The following KAZN variants were observed in gnomAD, a reference collection of about 807,000 sequenced individuals.
KAZN encodes the protein kazrin.
Under a neutral mutation model 87.4 loss-of-function variants are expected in KAZN, and 40 were observed. That is an observed-to-expected ratio of 0.46 (90% CI 0.36 to 0.60). KAZN has a LOEUF of 0.60. KAZN is among the 20% of genes least tolerant of loss of function. KAZN has a pLI of 0.00. For synonymous variants in KAZN, 466 were observed against 458.3 expected, an observed-to-expected ratio of 1.02 and a Z score of -0.22; for missense variants, 898 against 1,073.9, an observed-to-expected ratio of 0.84 and a Z score of 2.29.
chr1:14,634,541 C>A (rs1446875886), intron 1 of KAZN, among the ~76,000 whole-genome samples: 3 of 152,196 alleles, frequency 2.0e-5, no homozygotes, highest in Non-Finnish European at 4.4e-5. Flanking sequence ...AATACAATAG[C>A]ATGGAGTAGC....
chr1:14,450,646 T>C (rs1421243587), intron 2 of KAZN, among the ~76,000 whole-genome samples: 6 of 152,036 alleles, frequency 3.9e-5, no homozygotes, highest in African/African-American at 1.4e-4. Flanking sequence ...GGTAGTGCCA[T>C]TGTGATATTG....
At chr1:14,979,299 C>G (rs928240472) in intron 2 of KAZN, among the ~76,000 whole-genome samples, 95 of 151,896 alleles carry the variant, frequency 6.3e-4, no homozygotes, top group African/African-American at 2.2e-3. Flanking sequence ...ATCCCAGCTA[C>G]TCAGGAGGCT....
intron 1 of KAZN, among the ~76,000 whole-genome samples, chr1:14,954,865 A>AACCCAGG (rs1662898601): frequency 6.6e-6 from 1 of 150,732 alleles, no homozygotes; most frequent in South Asian, 2.1e-4. Flanking sequence ...CTGAGGCCGG[A>AACCCAGG]ACCCAGGACC....
intron 1 of KAZN, among the ~76,000 whole-genome samples, chr1:14,883,261 C>G (rs1017771332): frequency 3.4e-5 from 5 of 147,854 alleles, no homozygotes; most frequent in African/African-American, 1.2e-4. Flanking sequence ...CTCCATTGCC[C>G]TCCAGCCTGG....
At chr1:14,075,060 G>GA (rs1002545377) in intron 1 of KAZN, among the ~76,000 whole-genome samples, 2 of 151,726 alleles carry the variant, frequency 1.3e-5, no homozygotes, top group Admixed American at 6.6e-5. Context: ...GTCACTGAAG[G>GA]AAAAAAAAGA....
At chr1:14,343,402 G>A (rs1310884649) in intron 2 of KAZN, among the ~76,000 whole-genome samples, 2 of 152,146 alleles carry the variant, frequency 1.3e-5, no homozygotes, top group African/African-American at 4.8e-5. Flanking sequence ...CCACTGAAAC[G>A]CTTGACTGCA....
intron 1 of KAZN, among the ~76,000 whole-genome samples, chr1:14,697,982 G>T (rs1237240778): frequency 6.6e-6 from 1 of 152,154 alleles, no homozygotes; most frequent in African/African-American, 2.4e-5. Context: ...AGGTAGAGTA[G>T]CCGGAAAAAC....
intron 10 of KAZN, among the ~76,000 whole-genome samples, chr1:15,100,997 G>T (rs1573305544): frequency 6.6e-6 from 1 of 152,180 alleles, no homozygotes; most frequent in African/African-American, 2.4e-5. Context: ...GGGGGCTTAG[G>T]TGGAGGGGCG....
intron 1 of KAZN, among the ~76,000 whole-genome samples, chr1:13,923,523 A>G (rs1640146335): frequency 6.7e-6 from 1 of 148,344 alleles, no homozygotes; most frequent in Non-Finnish European, 1.5e-5. Flanking sequence ...CAGTGAGCCG[A>G]GATCGCGCCA....
intron 2 of KAZN, among the ~76,000 whole-genome samples, chr1:14,397,542 CA>C (rs1393437270): frequency 6.6e-6 from 1 of 152,122 alleles, no homozygotes; most frequent in Non-Finnish European, 1.5e-5. Flanking sequence ...GAACATCATG[CA>C]ACTCACTCTG....
chr1:15,078,854 A>G (rs1487085574), intron 8 of KAZN, among the ~76,000 whole-genome samples: 1 of 152,204 alleles, frequency 6.6e-6, no homozygotes, highest in African/African-American at 2.4e-5. Context: ...CTAAGTTGCA[A>G]GAATTCCCCC....
chr1:14,280,065 G>A (rs531572447), intron 2 of KAZN, among the ~76,000 whole-genome samples: 47 of 152,218 alleles, frequency 3.1e-4, no homozygotes, highest in South Asian at 4.2e-4. Context: ...TATGGACTTA[G>A]TTAAGATGAG....
At chr1:14,553,304 T>G (rs1377090503) in intron 2 of KAZN, among the ~76,000 whole-genome samples, 3 of 152,130 alleles carry the variant, frequency 2.0e-5, no homozygotes, top group Admixed American at 2.0e-4. Flanking sequence ...GAGGCTGCAG[T>G]GAGCCAAGAT....
chr1:14,327,356 T>C (rs1656509359), intron 2 of KAZN, among the ~76,000 whole-genome samples: 1 of 152,070 alleles, frequency 6.6e-6, no homozygotes, highest in East Asian at 1.9e-4. Context: ...AGATCCTGCT[T>C]ATTAGTCCCC....
intron 1 of KAZN, among the ~76,000 whole-genome samples, chr1:14,784,571 C>T (rs578134202): frequency 6.6e-6 from 1 of 152,146 alleles, no homozygotes; most frequent in African/African-American, 2.4e-5. Context: ...CCAGCCTGGT[C>T]AACATGGTAA....
chr1:13,990,872 A>G (rs1477741483), intron 1 of KAZN, among the ~76,000 whole-genome samples: 1 of 152,196 alleles, frequency 6.6e-6, no homozygotes, highest in South Asian at 2.1e-4. Flanking sequence ...TGAATAAGTG[A>G]TTACTGTAAA....
In KAZN at chr1:15,021,896, AG is replaced by A. The variant is rs34504008; in HGVS notation, c.419-12851del. On this transcript the variant is annotated intron_variant, in intron 2 of 14. Transcript: ENST00000376030. The surrounding 1 kb of genome is among the most constrained non-coding windows in gnomAD (Gnocchi z 4.2). ...ATTTACAAAGAAAAAGAGGTTGGGGAGGCCTCATAATCATGGCGGAAGGCAA... is the reference window on the plus strand; with the variant it reads ...ATTTACAAAGAAAAAGAGGTTGGGGAGCCTCATAATCATGGCGGAAGGCAA... 0.17 allele frequency among the ~76,000 whole-genome samples: 25,244 copies of A among 152,082 alleles called. 2,216 individuals are homozygous for A. Among genetic ancestry groups the A allele is most frequent in the Non-Finnish European group, 0.19 (12,908 of 67,964 alleles).
rs116695439 is a variant in KAZN, at chr1:15,100,463, G to A, written c.1548-1080G>A. 6.6e-3 allele frequency among the ~76,000 whole-genome samples: 1,012 copies of A among 152,208 alleles called. 10 individuals are homozygous for A. The highest frequency in any genetic ancestry group is 0.02 in the African/African-American group (849 of 41,530). ...CCCTGCACCTCCCACTTAGACCAGCGCTCTCCCACCTGTCAGACCTGGGGC... is the reference window on the plus strand; with the variant it reads ...CCCTGCACCTCCCACTTAGACCAGCACTCTCCCACCTGTCAGACCTGGGGC... On this transcript the variant is annotated intron_variant, in intron 10 of 14. Transcript: ENST00000376030.
At chr1:14,279,297 C>T (rs1196723516) in intron 2 of KAZN, among the ~76,000 whole-genome samples, 2 of 152,260 alleles carry the variant, frequency 1.3e-5, no homozygotes, top group East Asian at 3.9e-4. Context: ...TGGAGAGAGG[C>T]TGGGGCATTA....
Sources: allele counts gnomAD v4.1 joint callset (sites outside exome capture counted in the v4.1 genomes callset), GRCh38; gene constraint gnomAD v4.1.1; non-coding constraint Gnocchi (gnomAD v3.1); transcripts MANE v1.5; gene names NCBI Gene and HGNC (gene_info 2026-07-23, HGNC 2026-07-21).